Variants in RIT2 observed in about 807,000 individuals in gnomAD.
The protein encoded by RIT2 is Ras like without CAAX 2.
RIT2 carries 24 observed loss-of-function variants against 23.7 expected under a neutral mutation model. That is an observed-to-expected ratio of 1.01 (90% CI 0.73 to 1.43). The LOEUF is 1.43. Among genes scored for constraint, RIT2 ranks in the 40% most tolerant of loss-of-function variants. The pLI is 0.00. For synonymous variants in RIT2, 107 were observed against 91.1 expected (o/e 1.17, Z -0.99); for missense variants, 236 against 266.9 (o/e 0.88, Z 0.81).
At position 43,085,256 on chromosome 18, in the gene RIT2, T is replaced by G. The variant is rs943189572; in HGVS notation, c.103+30161A>C. ...AATTGTATATCTTTGTGGGGTACAA[T>G]GTGATATTTTTATCTATGTATACAT... On this transcript the variant is annotated intron_variant, in intron 1 of 4. Transcript: ENST00000326695. 3.9e-5 allele frequency among the ~76,000 whole-genome samples: 6 copies of G among 152,138 alleles called. No homozygotes were observed. The East Asian group carries it at 1.2e-3, about 29-fold the overall frequency.
At chr18:42,755,692 A>ACT (rs1394911810) in intron 4 of RIT2, among the ~76,000 whole-genome samples, 13 of 152,308 alleles carry the variant, frequency 8.5e-5, no homozygotes, top group African/African-American at 3.1e-4. Context: ...AGTGACTGGC[A>ACT]CTTAAGAGGG....
At chr18:43,057,125 T>C (rs181518099) in intron 1 of RIT2, among the ~76,000 whole-genome samples, 4 of 152,072 alleles carry the variant, frequency 2.6e-5, no homozygotes, top group South Asian at 2.1e-4. Flanking sequence ...TATTGAGTTA[T>C]ATATTTCTTC....
At chr18:43,105,144 G>T (rs1913782599) in intron 1 of RIT2, among the ~76,000 whole-genome samples, 2 of 151,400 alleles carry the variant, frequency 1.3e-5, no homozygotes, top group Admixed American at 1.3e-4. Flanking sequence ...GTGTGTGTGT[G>T]TGTGTGTTTG....
chr18:42,871,882 G>C (rs1385679631), intron 4 of RIT2, among the ~76,000 whole-genome samples: 2 of 152,122 alleles, frequency 1.3e-5, no homozygotes, highest in Non-Finnish European at 2.9e-5. Flanking sequence ...AAATGATCTG[G>C]GGACACAGGA....
At chr18:43,010,992 GA>G (rs1195897379) in intron 2 of RIT2, among the ~76,000 whole-genome samples, 1 of 151,634 alleles carries the variant, frequency 6.6e-6, no homozygotes, top group Non-Finnish European at 1.5e-5. Context: ...AAAGACAATG[GA>G]AAAAGAAATA....
intron 3 of RIT2, among the ~76,000 whole-genome samples, chr18:42,948,279 T>C (rs1909773410): frequency 6.6e-6 from 1 of 152,090 alleles, no homozygotes. Context: ...TTCAAAGGTA[T>C]TGGCAAACTG....
At chr18:43,103,457 A>G (rs182655026) in intron 1 of RIT2, among the ~76,000 whole-genome samples, 8 of 152,358 alleles carry the variant, frequency 5.3e-5, no homozygotes, top group Non-Finnish European at 1.0e-4. Context: ...AACTTTAAAT[A>G]ACATCTTAAG....
chr18:43,030,458 G>T (rs1911827617), intron 2 of RIT2, among the ~76,000 whole-genome samples: 1 of 152,010 alleles, frequency 6.6e-6, no homozygotes, highest in Non-Finnish European at 1.5e-5. Flanking sequence ...TGTGGAAGCT[G>T]AAGACATAAA....
chr18:42,947,335 C>A (rs566867856), intron 3 of RIT2, among the ~76,000 whole-genome samples: 2 of 152,160 alleles, frequency 1.3e-5, no homozygotes, highest in African/African-American at 4.8e-5. Context: ...TTGATTAATT[C>A]ATTTCTGGAG....
rs543696330 is a variant in RIT2 at position 42,994,668 on chromosome 18, C to T, written c.161-20521G>A. Among the ~76,000 whole-genome samples the T allele has an allele frequency of 8.0e-4, 122 of 152,178 alleles. 1 individual carries two copies. Among genetic ancestry groups the T allele is most frequent in the African/African-American group, 2.7e-3 (112 of 41,518 alleles). On this transcript the variant is annotated intron_variant, in intron 2 of 4. Transcript: ENST00000326695. ...AGAATTCTTACACAAGGACCGGGAT[C>T]GCGTCCTGTAGCCTTTTTGTCCAAA... is the stretch of plus-strand genomic sequence containing the variant.
At chr18:42,747,581 T>C (rs1244886980) in intron 4 of RIT2, among the ~76,000 whole-genome samples, 1 of 151,896 alleles carries the variant, frequency 6.6e-6, no homozygotes, top group African/African-American at 2.4e-5. Context: ...GGAGAGCACA[T>C]AGCCAAAGAA....
chr18:42,920,754 G>C (rs199611135), intron 4 of RIT2: 1 of 1,594,206 alleles, frequency 6.3e-7, no homozygotes, highest in Non-Finnish European at 8.5e-7. Context: ...AACTCTTTCA[G>C]TGTAGGCTGA....
At chr18:42,951,184 G>A (rs796701659) in intron 3 of RIT2, among the ~76,000 whole-genome samples, 5 of 152,108 alleles carry the variant, frequency 3.3e-5, no homozygotes, top group African/African-American at 1.2e-4. Context: ...CCCATCAATG[G>A]TGGAATGAAT....
chr18:43,097,383 T>C (rs190278391), intron 1 of RIT2, among the ~76,000 whole-genome samples: 2 of 151,960 alleles, frequency 1.3e-5, no homozygotes, highest in Admixed American at 6.6e-5. Flanking sequence ...AATCCGAATA[T>C]GTTAAATGTT....
At chr18:42,839,568 T>C (rs1331662778) in intron 4 of RIT2, among the ~76,000 whole-genome samples, 1 of 152,228 alleles carries the variant, frequency 6.6e-6, no homozygotes, top group African/African-American at 2.4e-5. Context: ...TGTGATACTA[T>C]AATGTAACAA....
At chr18:42,885,229 T>A (rs146349477) in intron 4 of RIT2, among the ~76,000 whole-genome samples, 1 of 152,284 alleles carries the variant, frequency 6.6e-6, no homozygotes, top group Non-Finnish European at 1.5e-5. Flanking sequence ...AGATGGTAAA[T>A]TAAAATCACT....
intron 1 of RIT2, among the ~76,000 whole-genome samples, chr18:43,113,834 G>C (rs1914006781): frequency 6.6e-6 from 1 of 152,062 alleles, no homozygotes; most frequent in Admixed American, 6.5e-5. Context: ...GCATCTCCCT[G>C]ACCTCACAAG....
intron 2 of RIT2, among the ~76,000 whole-genome samples, chr18:43,000,703 T>C (rs979701728): frequency 2.0e-5 from 3 of 151,898 alleles, no homozygotes; most frequent in African/African-American, 7.2e-5. Context: ...TTAAAAGTGT[T>C]TGGCAGTTCC....
chr18:42,927,231 T>TC lies in RIT2; in HGVS notation c.235-3469dup, dbSNP rs1316804475. Among the ~76,000 whole-genome samples the TC allele has an allele frequency of 8.6e-5, 13 of 151,934 alleles. No homozygotes were observed. The East Asian group carries it at 2.5e-3, about 29-fold the overall frequency. Reference sequence around the variant, plus strand: ...TCAGAAAAGTATTAAGCTTTTTTTTTCCCCAACAGAAAATCTTTCCACCAA... The same window carrying TC: ...TCAGAAAAGTATTAAGCTTTTTTTTTCCCCCAACAGAAAATCTTTCCACCAA... On this transcript the variant is annotated intron_variant, in intron 3 of 4. Transcript: ENST00000326695.
Sources: gnomAD v4.1 joint callset for allele counts (sites outside exome capture counted in the v4.1 genomes callset) on GRCh38, gnomAD v4.1.1 for gene constraint, MANE v1.5 for transcripts, NCBI Gene and HGNC (gene_info 2026-07-23, HGNC 2026-07-21) for gene names.